Variants in KCNMB4 observed in about 807,000 individuals in gnomAD.
KCNMB4 encodes potassium calcium-activated channel subfamily M regulatory beta subunit 4, also known as calcium-activated potassium channel subunit beta-4.
Under a neutral mutation model 20.7 loss-of-function variants are expected in KCNMB4, and 3 were observed. The ratio of observed to expected loss-of-function variants is 0.14; its 90% CI spans 0.07 to 0.37. KCNMB4 has a LOEUF of 0.37. KCNMB4 is among the 10% of genes least tolerant of loss of function. The probability of loss-of-function intolerance (pLI) is 1.00; values close to 1 mark genes in which losing one functional copy is unlikely to be tolerated. For missense variants in KCNMB4, 168 were observed against 265.9 expected (o/e 0.63, Z 2.56); for synonymous variants, 110 against 113.4 (o/e 0.97, Z 0.19).
At chr12:70,382,432 C>CA (rs397796979) in intron 1 of KCNMB4, among the ~76,000 whole-genome samples, 3,039 of 86,634 alleles carry the variant, frequency 0.035, 63 homozygotes, top group African/African-American at 0.058. Context: ...GACTCCGTCT[C>CA]AAAAAAAAAA....
chr12:70,410,666 T>C (rs569703949), intron 2 of KCNMB4, among the ~76,000 whole-genome samples: 6 of 152,330 alleles, frequency 3.9e-5, no homozygotes, highest in South Asian at 4.1e-4. Context: ...TAAACACATA[T>C]GCTTTTCTTC....
intron 2 of KCNMB4, among the ~76,000 whole-genome samples, chr12:70,410,503 C>T (rs1387950845): frequency 6.6e-6 from 1 of 152,214 alleles, no homozygotes; most frequent in East Asian, 1.9e-4. Context: ...TTACATTTCT[C>T]CTCTATCACT....
At chr12:70,424,168 C>T (rs73141376) in intron 2 of KCNMB4, among the ~76,000 whole-genome samples, 19,252 of 152,064 alleles carry the variant, frequency 0.13, 1,316 homozygotes, top group South Asian at 0.24. Context: ...TTCTGTCTCC[C>T]TCAGGGCCAC....
At chr12:70,399,985 G>A (rs1316357951) in intron 1 of KCNMB4, among the ~76,000 whole-genome samples, 1 of 152,116 alleles carries the variant, frequency 6.6e-6, no homozygotes, top group African/African-American at 2.4e-5. Context: ...CATAATGACT[G>A]AAGTTTATTT....
intron 2 of KCNMB4, among the ~76,000 whole-genome samples, chr12:70,414,240 A>AG (rs1565865038): frequency 1.3e-5 from 2 of 152,178 alleles, no homozygotes; most frequent in African/African-American, 4.8e-5. Flanking sequence ...TCAAAAAAAA[A>AG]GATTTTGGAA....
chr12:70,429,894 C>T (rs1869313664), intron 2 of KCNMB4, among the ~76,000 whole-genome samples: 1 of 152,142 alleles, frequency 6.6e-6, no homozygotes, highest in East Asian at 1.9e-4. Context: ...CGGCTAATTT[C>T]ACCCAGAAGC....
At chr12:70,370,836 A>G (rs933599257) in intron 1 of KCNMB4, among the ~76,000 whole-genome samples, 2 of 150,276 alleles carry the variant, frequency 1.3e-5, no homozygotes, top group Non-Finnish European at 3.0e-5. Context: ...AGAGTGAGTG[A>G]TTAGAGATAA....
chr12:70,418,072 T>C (rs1481583607), intron 2 of KCNMB4, among the ~76,000 whole-genome samples: 1 of 152,212 alleles, frequency 6.6e-6, no homozygotes, highest in Non-Finnish European at 1.5e-5. Context: ...TTATTTTGTC[T>C]GTGCACATCA....
At chr12:70,405,052 A>G (rs1232344591) in intron 2 of KCNMB4, among the ~76,000 whole-genome samples, 2 of 152,232 alleles carry the variant, frequency 1.3e-5, no homozygotes, top group Non-Finnish European at 2.9e-5. Context: ...ACGTCTTAAA[A>G]GGAGAGTATT....
Position 70,431,989 on chromosome 12 carries a change from G to A in KCNMB4, c.*1336G>A, listed in dbSNP as rs1869377786. ...TGTAATATGTATATATGGAGTGATGGTTTCCTGACCTTTAGTCCACATACC... is the reference window on the plus strand; with the variant it reads ...TGTAATATGTATATATGGAGTGATGATTTCCTGACCTTTAGTCCACATACC... On this transcript the variant is annotated 3_prime_UTR_variant, in exon 3 of 3. Coordinates refer to ENST00000258111, the MANE Select transcript of KCNMB4 (RefSeq NM_014505.6). 1 of 150,296 alleles carries A rather than the reference G, an allele frequency of 6.7e-6. No homozygotes were observed. The highest frequency in any genetic ancestry group is 2.4e-5 in the African/African-American group (1 of 40,850). The allele number at this position is 150,296 out of a possible 1,614,324, so 9.3% of individuals were successfully genotyped here. A position where few individuals can be genotyped will look rare whatever the true frequency, so the allele number is the denominator to read the frequency against.
chr12:70,397,048 G>C (rs1438453075), intron 1 of KCNMB4, among the ~76,000 whole-genome samples: 2 of 152,188 alleles, frequency 1.3e-5, no homozygotes, highest in African/African-American at 4.8e-5. Flanking sequence ...TTAAGAATTT[G>C]ATGTTTGCCT....
At chr12:70,381,272 A>C (rs923705514) in intron 1 of KCNMB4, among the ~76,000 whole-genome samples, 1 of 152,232 alleles carries the variant, frequency 6.6e-6, no homozygotes, top group Non-Finnish European at 1.5e-5. Context: ...TGGAATCTTC[A>C]TACAAGAATG....
At chr12:70,422,752 C>T in intron 2 of KCNMB4, 1 of 1,288,794 alleles carries the variant, frequency 7.8e-7, no homozygotes, top group African/African-American at 1.5e-5. Flanking sequence ...CAGGAAGCAT[C>T]TCCGGCAGGG....
intron 2 of KCNMB4, among the ~76,000 whole-genome samples, chr12:70,411,261 G>A (rs541755885): frequency 6.6e-6 from 1 of 152,156 alleles, no homozygotes; most frequent in Non-Finnish European, 1.5e-5. Flanking sequence ...AGAAATAAAT[G>A]GTTAACAGTC....
intron 2 of KCNMB4, chr12:70,422,919 A>G: frequency 1.1e-6 from 1 of 909,838 alleles, no homozygotes; most frequent in African/African-American, 1.7e-5. Context: ...CCAGGCCTCT[A>G]CTTTAGGAGA....
chr12:70,422,818 G>A (rs1194515298), intron 2 of KCNMB4: 6 of 1,250,518 alleles, frequency 4.8e-6, no homozygotes, highest in East Asian at 5.6e-5. Context: ...TGGGAAAACC[G>A]ACAGATGGAT....
chr12:70,389,926 C>T (rs1216275661), intron 1 of KCNMB4, among the ~76,000 whole-genome samples: 1 of 152,062 alleles, frequency 6.6e-6, no homozygotes, highest in Non-Finnish European at 1.5e-5. Flanking sequence ...TTTGTAGGCC[C>T]ATGTATAGAT....
chr12:70,400,900 A>C (rs1449288762), intron 2 of KCNMB4, among the ~76,000 whole-genome samples: 2 of 152,166 alleles, frequency 1.3e-5, no homozygotes, highest in Non-Finnish European at 2.9e-5. Flanking sequence ...GCAAACCTTC[A>C]CTTGCTCCCA....
chr12:70,424,665 G>A (rs943057250), intron 2 of KCNMB4, among the ~76,000 whole-genome samples: 2 of 149,706 alleles, frequency 1.3e-5, no homozygotes, highest in Non-Finnish European at 3.0e-5. Context: ...CAGGAGAATC[G>A]CTTGAACCCA....
Sources: allele counts gnomAD v4.1 joint callset (sites outside exome capture counted in the v4.1 genomes callset), GRCh38; gene constraint gnomAD v4.1.1; transcripts MANE v1.5; gene names NCBI Gene and HGNC (gene_info 2026-07-23, HGNC 2026-07-21).